DUSP15: variants seen among roughly 807,000 people sequenced by gnomAD.
The protein encoded by DUSP15 is dual specificity phosphatase 15.
In DUSP15, 23 loss-of-function variants were observed where a neutral mutation model predicts 26.3. The observed-to-expected ratio is 0.87, with a 90% CI of 0.63 to 1.24. The LOEUF (loss-of-function observed/expected upper bound fraction) is 1.24. DUSP15 is among the 50% of genes most tolerant of loss of function. The probability of loss-of-function intolerance (pLI) is 0.00; values close to 1 mark genes in which losing one functional copy is unlikely to be tolerated. For missense variants in DUSP15, 364 were observed against 320.6 expected (o/e 1.14, Z -1.03); for synonymous variants, 143 against 135.5 (o/e 1.06, Z -0.39).
At position 31,865,230 on chromosome 20, in the gene DUSP15, C is replaced by G. The variant is rs545694179; in HGVS notation, c.139-228G>C. ...ACATGGTGTCTCCTAACCCCATCAG[C>G]GGCGTGGGCATGACGTCACCTATCC... On this transcript the variant is annotated intron_variant, in intron 3 of 6. Coordinates refer to ENST00000339738, the MANE Select transcript of DUSP15 (RefSeq NM_080611.5). Among the ~76,000 whole-genome samples the G allele has an allele frequency of 2.0e-5, 3 of 152,252 alleles. No homozygotes were observed. The South Asian group carries it at 6.2e-4, about 32-fold the overall frequency.
chr20:31,870,594 C>T (rs2062904436), upstream of DUSP15: 3 of 1,394,952 alleles, frequency 2.2e-6, no homozygotes, highest in South Asian at 1.6e-5. This position sits in a 1 kb window ranked among gnomAD's most constrained non-coding sequence, Gnocchi z 6.6. Flanking sequence ...TCATGTGGGG[C>T]CCCCGCCTCG....
At chr20:31,867,214 G>A (rs983469985) in intron 2 of DUSP15, 61 bp from the exon 3 acceptor site, 98 of 1,466,334 alleles carry the variant, frequency 6.7e-5, no homozygotes, top group Middle Eastern at 5.6e-4. Flanking sequence ...GGCCAAGTGC[G>A]GAGGGAGCTC....
upstream of DUSP15, chr20:31,870,548 C>T: frequency 1.4e-6 from 2 of 1,455,862 alleles, no homozygotes; most frequent in Non-Finnish European, 1.8e-6. This position sits in a 1 kb window ranked among gnomAD's most constrained non-coding sequence, Gnocchi z 6.6. Context: ...CCGCCGCTGC[C>T]ACCGCCGCCG....
intron 2 of DUSP15, 115 bp from the exon 3 acceptor site, chr20:31,867,268 GC>G: frequency 1.1e-6 from 1 of 879,430 alleles, no homozygotes; most frequent in Non-Finnish European, 1.8e-6. Context: ...CTCCACCTTG[GC>G]CCACGCTCTG....
At position 31,867,052 on chromosome 20, in the gene DUSP15, G is replaced by C; in HGVS notation, c.138+19C>G. Reference sequence around the variant, plus strand: ...ACCCTCCCACCCCCGCATAGCCCTGGGATGGGGGTAAGAAGTACCTGCAGC... The same window carrying C: ...ACCCTCCCACCCCCGCATAGCCCTGCGATGGGGGTAAGAAGTACCTGCAGC... On this transcript the variant is annotated intron_variant, in intron 3 of 6. Transcript: ENST00000339738. 1.9e-6 allele frequency: 3 copies of C among 1,566,154 alleles called. No homozygotes were observed. The South Asian group carries it at 3.5e-5, about 18-fold the overall frequency.
chr20:31,852,614 C>T (rs1206102586), intron 6 of DUSP15, among the ~76,000 whole-genome samples: 1 of 151,884 alleles, frequency 6.6e-6, no homozygotes, highest in East Asian at 1.9e-4. Flanking sequence ...AGTTTGAGAC[C>T]CCTGGCCAAC....
intron 6 of DUSP15, among the ~76,000 whole-genome samples, chr20:31,851,228 G>A (rs945544846): frequency 3.9e-5 from 6 of 152,156 alleles, no homozygotes. Context: ...TAAATGCGGA[G>A]GTGAGGGAGC....
At chr20:31,851,485 A>T (rs2062470413) in intron 6 of DUSP15, among the ~76,000 whole-genome samples, 1 of 151,958 alleles carries the variant, frequency 6.6e-6, no homozygotes, top group African/African-American at 2.4e-5. Flanking sequence ...ATGAATGTGG[A>T]GAAGATGGGG....
At chr20:31,851,684 A>T (rs1003428410) in intron 6 of DUSP15, among the ~76,000 whole-genome samples, 34 of 151,974 alleles carry the variant, frequency 2.2e-4, no homozygotes, top group African/African-American at 8.2e-4. Flanking sequence ...ATAGCCAGAG[A>T]GGGTGGGGCC....
At chr20:31,863,729 T>A in intron 5 of DUSP15, 178 bp downstream of exon 5, 1 of 607,438 alleles carries the variant, frequency 1.6e-6, no homozygotes, top group Non-Finnish European at 2.9e-6. Context: ...GCCACACAGC[T>A]CATAAGGAAT....
At chr20:31,868,133 T>C (rs1455759021) in intron 2 of DUSP15, among the ~76,000 whole-genome samples, 1 of 152,242 alleles carries the variant, frequency 6.6e-6, no homozygotes. Flanking sequence ...TATCTCCACT[T>C]CCTCATTCGA....
Position 31,861,285 on chromosome 20 carries a change from G to T in DUSP15, c.*118C>A. 7.3e-7 allele frequency: 1 copy of T among 1,366,108 alleles called. No homozygotes were observed. Among genetic ancestry groups the T allele is most frequent in the Non-Finnish European group, 9.4e-7 (1 of 1,066,186 alleles). The allele number at this position is 1,366,108 out of a possible 1,614,324, so 84.6% of individuals were successfully genotyped here. A position where few individuals can be genotyped will look rare whatever the true frequency, so the allele number is the denominator to read the frequency against. ...CGAGCAGGGCGGGCGCGGGAGGCAGGGTTCAGGCCGCCGCGGGGCTCCCCC... is the reference window on the plus strand; with the variant it reads ...CGAGCAGGGCGGGCGCGGGAGGCAGTGTTCAGGCCGCCGCGGGGCTCCCCC... On this transcript the variant is annotated 3_prime_UTR_variant, in exon 7 of 7. Transcript: ENST00000339738.
At chr20:31,862,815 G>T in intron 5 of DUSP15, 73 bp from the exon 6 acceptor site, 1 of 1,434,526 alleles carries the variant, frequency 7.0e-7, no homozygotes. Flanking sequence ...ACCCCACCCT[G>T]CTTCAACTCC....
rs572500091 is a variant in DUSP15 at position 31,861,644 on chromosome 20, T to C, written c.467A>G (p.Glu156Gly). 448 of 1,246,086 alleles carry C rather than the reference T, an allele frequency of 3.6e-4. No individual in the cohort carries two copies. In the African/African-American group the frequency reaches 6.5e-3, roughly 18 times the overall value. The allele number at this position is 1,246,086 out of a possible 1,614,324, so 77.2% of individuals were successfully genotyped here. ...CTCCTCCTCGTCGCGGAAGGGGCTC[T>C]CGCCGAAGCGCTCCTCCAGCTGCCG... is the stretch of plus-strand genomic sequence containing the variant. ...LRRQLEERFG[E>G]SPFRDEEELR... The change falls in exon 7 of 7, where the codon GAG (glutamate) becomes GGG (glycine). Residue 156 changes from glutamate to glycine, a missense_variant. Coordinates refer to ENST00000339738, the MANE Select transcript of DUSP15 (RefSeq NM_080611.5).
Position 31,866,831 on chromosome 20 carries a change from GC to G in DUSP15, c.138+239del, listed in dbSNP as rs537195261. Among the ~76,000 whole-genome samples the G allele has an allele frequency of 3.8e-3, 576 of 152,298 alleles. 5 individuals carry two copies. Among genetic ancestry groups the G allele is most frequent in the African/African-American group, 0.013 (544 of 41,552 alleles). On this transcript the variant is annotated intron_variant, in intron 3 of 6. Transcript: ENST00000339738. ...AGTGTGAGACTTCTGGTGCTAGATG[GC>G]CTGTGTTCATACCCCAACTCCTCAG...
At chr20:31,851,464 A>G (rs1171282024) in intron 6 of DUSP15, among the ~76,000 whole-genome samples, 1 of 152,078 alleles carries the variant, frequency 6.6e-6, no homozygotes, top group Non-Finnish European at 1.5e-5. Context: ...GGACCCAAGG[A>G]GGACAAAGGA....
intron 3 of DUSP15, among the ~76,000 whole-genome samples, chr20:31,865,229 G>A (rs1568693138): frequency 6.6e-6 from 1 of 152,160 alleles, no homozygotes; most frequent in Non-Finnish European, 1.5e-5. Context: ...AACCCCATCA[G>A]CGGCGTGGGC....
chr20:31,863,360 G>A (rs1164807837), intron 5 of DUSP15, among the ~76,000 whole-genome samples: 1 of 151,310 alleles, frequency 6.6e-6, no homozygotes, highest in South Asian at 2.1e-4. Flanking sequence ...GGGAAGGAGG[G>A]AGAGGGTGGG....
chr20:31,854,748 G>T (rs555862628), intron 6 of DUSP15, among the ~76,000 whole-genome samples: 3 of 152,252 alleles, frequency 2.0e-5, no homozygotes, highest in African/African-American at 7.2e-5. Flanking sequence ...CCCTTGCTGG[G>T]TGTGTGTGTC....
Sources: gnomAD v4.1 joint callset for allele counts (sites outside exome capture counted in the v4.1 genomes callset) on GRCh38, gnomAD v4.1.1 for gene constraint, Gnocchi (gnomAD v3.1) non-coding constraint, MANE v1.5 for transcripts, NCBI Gene and HGNC (gene_info 2026-07-23, HGNC 2026-07-21) for gene names.